NFIA: variants seen among roughly 807,000 people sequenced by gnomAD.
NFIA encodes nuclear factor 1 A-type.
In NFIA, 8 loss-of-function variants were observed where a neutral mutation model predicts 62.8. The ratio of observed to expected loss-of-function variants is 0.13; its 90% CI spans 0.07 to 0.23. The LOEUF (loss-of-function observed/expected upper bound fraction) is 0.23, where lower values mean the gene tolerates loss of function less well. NFIA is among the 10% of genes least tolerant of loss of function. The pLI is 1.00. For missense variants in NFIA, 410 were observed against 642.1 expected (o/e 0.64, Z 3.91); for synonymous variants, 235 against 238.1 (o/e 0.99, Z 0.12).
chr1:61,309,494 A>C lies in NFIA; in HGVS notation c.626-23018A>C, dbSNP rs562001600. On this transcript the variant is annotated intron_variant, in intron 3 of 10. Transcript: ENST00000403491. Reference sequence around the variant, plus strand: ...ACAGTGAGAAAAACAACAACAACAAAAAAAAAAACACAAAATTCACACAAA... The same window carrying C: ...ACAGTGAGAAAAACAACAACAACAACAAAAAAAACACAAAATTCACACAAA... 8.1e-3 allele frequency among the ~76,000 whole-genome samples: 1,205 copies of C among 148,494 alleles called. 11 individuals are homozygous for C. Among genetic ancestry groups the C allele is most frequent in the Non-Finnish European group, 0.013 (855 of 67,052 alleles).
At chr1:61,080,154 T>TA (rs545271082), upstream of NFIA, among the ~76,000 whole-genome samples, 43 of 152,246 alleles carry the variant, frequency 2.8e-4, no homozygotes, top group African/African-American at 1.0e-3. Flanking sequence ...CCAAAAGTCT[T>TA]ACGAAGGGCG....
chr1:61,406,542 T>TTGGGGC lies in NFIA; in HGVS notation c.1255-20_1255-19insTGGGGC. 3 of 1,253,830 alleles carry TTGGGGC rather than the reference T, an allele frequency of 2.4e-6. No homozygotes were observed. Among genetic ancestry groups the TTGGGGC allele is most frequent in the Non-Finnish European group, 3.2e-6 (3 of 931,744 alleles). The allele number at this position is 1,253,830 out of a possible 1,614,324, so 77.7% of individuals were successfully genotyped here. A position where few individuals can be genotyped will look rare whatever the true frequency, so the allele number is the denominator to read the frequency against. On this transcript the variant is annotated intron_variant, in intron 8 of 10. Coordinates refer to ENST00000403491, the MANE Select transcript of NFIA (RefSeq NM_001134673.4). ...TTCTTTTTCTTGTACGTGTGTTTTC[T>TTGGGGC]GCCCCCCCCCCCCCCACAGCCCAAT...
At chr1:61,110,115 G>A (rs1403037255) in intron 2 of NFIA, among the ~76,000 whole-genome samples, 1 of 151,926 alleles carries the variant, frequency 6.6e-6, no homozygotes, top group East Asian at 1.9e-4. Context: ...TAAGTCAAAG[G>A]AGTTTTGTTA....
At chr1:61,244,482 G>T (rs1553164792) in intron 2 of NFIA, among the ~76,000 whole-genome samples, 1 of 152,204 alleles carries the variant, frequency 6.6e-6, no homozygotes, top group Non-Finnish European at 1.5e-5. Context: ...GAGAGGCTGT[G>T]TGTAGGGAAA....
At chr1:61,084,459 C>T (rs1006396345) in intron 1 of NFIA, among the ~76,000 whole-genome samples, 2 of 151,316 alleles carry the variant, frequency 1.3e-5, no homozygotes, top group Non-Finnish European at 2.9e-5. Context: ...TCCAAAGTTC[C>T]TATTTTAGTA....
chr1:61,411,660 G>C (rs950896318), intron 9 of NFIA, among the ~76,000 whole-genome samples: 2 of 151,956 alleles, frequency 1.3e-5, no homozygotes, highest in Non-Finnish European at 2.9e-5. Flanking sequence ...AAAATAGTGA[G>C]TACGAAAGGT....
At chr1:61,104,143 T>C (rs1417667628) in intron 2 of NFIA, among the ~76,000 whole-genome samples, 2 of 152,164 alleles carry the variant, frequency 1.3e-5, no homozygotes, top group Non-Finnish European at 2.9e-5. Context: ...TTTAATGCTA[T>C]TGCATTTTTA....
intron 10 of NFIA, among the ~76,000 whole-genome samples, chr1:61,438,254 A>G (rs1186150705): frequency 6.6e-6 from 1 of 152,182 alleles, no homozygotes; most frequent in Non-Finnish European, 1.5e-5. Flanking sequence ...GAATGCCTGC[A>G]TTCCACTTAG....
chr1:61,357,003 A>T (rs549068643), intron 5 of NFIA, among the ~76,000 whole-genome samples: 2 of 152,328 alleles, frequency 1.3e-5, no homozygotes, highest in East Asian at 3.9e-4. Context: ...TTTCTAAAAT[A>T]TAACTCCCCT....
At chr1:61,420,376 CT>C (rs1294554581) in intron 9 of NFIA, among the ~76,000 whole-genome samples, 282 of 142,504 alleles carry the variant, frequency 2.0e-3, no homozygotes, top group African/African-American at 3.8e-3. Flanking sequence ...CTCACAGGAC[CT>C]TTTTTTTTTT....
At chr1:61,384,613 A>T (rs758183716) in intron 7 of NFIA, among the ~76,000 whole-genome samples, 5 of 152,212 alleles carry the variant, frequency 3.3e-5, no homozygotes, top group Non-Finnish European at 5.9e-5. Flanking sequence ...TTAAGATATT[A>T]TCCTCATAGT....
chr1:61,097,794 G>C (rs952600062), intron 2 of NFIA, among the ~76,000 whole-genome samples: 4 of 152,122 alleles, frequency 2.6e-5, no homozygotes, highest in African/African-American at 9.7e-5. Context: ...TTAATTTTAA[G>C]CTCCTACATA....
intron 3 of NFIA, among the ~76,000 whole-genome samples, chr1:61,322,718 T>G (rs1338866052): frequency 6.6e-6 from 1 of 152,140 alleles, no homozygotes; most frequent in Non-Finnish European, 1.5e-5. Flanking sequence ...CTTTATTAGT[T>G]TCTAATGTTC....
chr1:61,300,748 ATATG>A (rs1659454529), intron 3 of NFIA, among the ~76,000 whole-genome samples: 1 of 152,028 alleles, frequency 6.6e-6, no homozygotes, highest in African/African-American at 2.4e-5. Context: ...TGTAAGCTCG[ATATG>A]TATGTATGTG....
chr1:61,426,372 A>G (rs919401046), intron 9 of NFIA, 93 bp from the exon 10 acceptor site: 16 of 827,060 alleles, frequency 1.9e-5, no homozygotes, highest in Non-Finnish European at 2.8e-5. Flanking sequence ...CTTGTTAATC[A>G]GCTGCGTCGG....
intron 2 of NFIA, among the ~76,000 whole-genome samples, chr1:61,204,973 C>T (rs1359783294): frequency 2.0e-5 from 3 of 152,160 alleles, no homozygotes; most frequent in African/African-American, 4.8e-5. Context: ...ACATACTTCA[C>T]TTTGTTGAGA....
chr1:61,174,112 C>A (rs1650163243), intron 2 of NFIA, among the ~76,000 whole-genome samples: 2 of 152,148 alleles, frequency 1.3e-5, no homozygotes. Context: ...CATTTTGTCT[C>A]TCATCTTTTC....
intron 3 of NFIA, among the ~76,000 whole-genome samples, chr1:61,293,715 A>C (rs1327083638): frequency 6.6e-6 from 1 of 152,214 alleles, no homozygotes; most frequent in Non-Finnish European, 1.5e-5. Flanking sequence ...ACTTCATGTA[A>C]TCTCACTAAC....
intron 6 of NFIA, among the ~76,000 whole-genome samples, chr1:61,365,041 G>A (rs114281897): frequency 2.5e-3 from 374 of 152,268 alleles, no homozygotes; most frequent in African/African-American, 8.5e-3. Context: ...TTTTTAATTA[G>A]CCATGCATAA....
Sources: allele counts gnomAD v4.1 joint callset (sites outside exome capture counted in the v4.1 genomes callset), GRCh38; gene constraint gnomAD v4.1.1; transcripts MANE v1.5; gene names NCBI Gene and HGNC (gene_info 2026-07-23, HGNC 2026-07-21).